ITGA4: variants seen among roughly 807,000 people sequenced by gnomAD.
ITGA4 encodes integrin alpha-4.
Under a neutral mutation model 133.6 loss-of-function variants are expected in ITGA4, and 63 were observed. The ratio of observed to expected loss-of-function variants is 0.47; its 90% CI spans 0.38 to 0.58. The LOEUF is 0.58. ITGA4 is among the 20% of genes least tolerant of loss of function. The pLI is 0.00. For missense variants in ITGA4, 1,076 were observed against 1,252.7 expected (o/e 0.86, Z 2.13); for synonymous variants, 483 against 438.0 (o/e 1.10, Z -1.28).
intron 22 of ITGA4, 113 bp from the exon 23 acceptor site, chr2:181,529,428 C>T (rs1686896564): frequency 6.2e-6 from 3 of 485,194 alleles, no homozygotes; most frequent in Non-Finnish European, 1.1e-5. Flanking sequence ...CATAAACCTC[C>T]ACCACTATAA....
At chr2:181,508,724 A>G (rs545221024) in intron 15 of ITGA4, among the ~76,000 whole-genome samples, 3 of 150,010 alleles carry the variant, frequency 2.0e-5, no homozygotes, top group Non-Finnish European at 3.0e-5. Context: ...TAAATAAATA[A>G]AAACTTTAAC....
intron 15 of ITGA4, 58 bp from the exon 16 acceptor site, chr2:181,509,600 T>C (rs1686463398): frequency 3.2e-6 from 4 of 1,246,322 alleles, no homozygotes; most frequent in African/African-American, 1.6e-5. Context: ...AGGAGTTTTA[T>C]TTTTTTTTAA....
intron 2 of ITGA4, among the ~76,000 whole-genome samples, chr2:181,463,713 GTGATCAGTTCTA>G (rs1439446977): frequency 3.2e-4 from 48 of 152,108 alleles, no homozygotes. Context: ...TAAAAATCTA[GTGATCAGTTCTA>G]TGATCAGTTC....
chr2:181,463,448 A>T (rs547296177), intron 2 of ITGA4, among the ~76,000 whole-genome samples: 2 of 152,282 alleles, frequency 1.3e-5, no homozygotes, highest in African/African-American at 4.8e-5. Context: ...TAGACTACAG[A>T]TGACAAGTGT....
intron 3 of ITGA4, 40 bp downstream of exon 3, chr2:181,475,106 A>G (rs1258446055): frequency 1.9e-6 from 3 of 1,613,194 alleles, no homozygotes; most frequent in East Asian, 4.5e-5. Context: ...TCGTGAAATC[A>G]GCTATCCTGG....
Position 181,475,254 on chromosome 2 carries a change from A to C in ITGA4, c.522A>C (p.Thr174=). The change falls in exon 4 of 28, where the codon ACA becomes ACC. Residue 174 remains threonine (T), a synonymous_variant. Transcript: ENST00000397033. ...GCYGVPPDLR[T]ELSKRIAPCY... is the part of the protein sequence containing the mutation. ...ATGGAGTGCCCCCTGATTTACGAAC[A>C]GAACTGAGTAAAAGAATAGCTCCGT... The C allele has an allele frequency of 6.2e-7, 1 of 1,613,066 alleles. No homozygotes were observed. The highest frequency in any genetic ancestry group is 8.5e-7 in the Non-Finnish European group (1 of 1,179,010).
intron 16 of ITGA4, among the ~76,000 whole-genome samples, chr2:181,510,353 C>T (rs911522497): frequency 1.1e-4 from 17 of 152,070 alleles, no homozygotes; most frequent in African/African-American, 4.1e-4. Context: ...GAGATGGATC[C>T]TACATTCTAA....
At position 181,474,915 on chromosome 2, in the gene ITGA4, G is replaced by A. The variant is rs1252651715; in HGVS notation, c.320-45G>A. ...GTGCACAGTTTTCTCTTCTTTTGTA[G>A]AATGTTTTCAATACAACTGATAAAA... On this transcript the variant is annotated intron_variant, in intron 2 of 27. Coordinates refer to ENST00000397033, the MANE Select transcript of ITGA4 (RefSeq NM_000885.6). 2.1e-6 allele frequency: 3 copies of A among 1,456,178 alleles called. No individual in the cohort carries two copies. In the African/African-American group the frequency reaches 4.2e-5, roughly 20 times the overall value. The allele number at this position is 1,456,178 out of a possible 1,614,324, so 90.2% of individuals were successfully genotyped here.
Position 181,457,818 on chromosome 2 carries a change from CG to C in ITGA4, c.166del (p.Val56SerfsTer13). ...CCCCACAACACGCTGTTCGGCTACT[CG>C]GTCGTGCTGCACAGCCACGGGGCGA... Reference protein sequence around the residue: ...QGPHNTLFGYSVVLHSHGANR... With the variant: ...QGPHNTLFGYXVVLHSHGANR... On this transcript the variant is annotated frameshift_variant, in exon 1 of 28. Coordinates refer to ENST00000397033, the MANE Select transcript of ITGA4 (RefSeq NM_000885.6). LOFTEE classifies it high-confidence loss of function. The C allele has an allele frequency of 6.2e-7, 1 of 1,613,440 alleles. No individual in the cohort carries two copies. Among genetic ancestry groups the C allele is most frequent in the Non-Finnish European group, 8.5e-7 (1 of 1,179,836 alleles).
intron 14 of ITGA4, among the ~76,000 whole-genome samples, chr2:181,497,549 C>G (rs2105746748): frequency 6.6e-6 from 1 of 152,138 alleles, no homozygotes; most frequent in East Asian, 1.9e-4. Context: ...TTGGCTTGGA[C>G]TTCATTATTT....
intron 4 of ITGA4, chr2:181,476,151 C>T (rs760980527): frequency 3.2e-5 from 7 of 220,628 alleles, no homozygotes; most frequent in Non-Finnish European, 5.3e-5. Flanking sequence ...ATTTTGCCTT[C>T]GGATACCCAA....
At chr2:181,501,300 A>G (rs767788579) in intron 15 of ITGA4, among the ~76,000 whole-genome samples, 40 of 152,288 alleles carry the variant, frequency 2.6e-4, no homozygotes, top group Non-Finnish European at 4.7e-4. Flanking sequence ...AAAAGGCCTC[A>G]AGAATGTACC....
chr2:181,463,656 C>CA (rs141692224), intron 2 of ITGA4, among the ~76,000 whole-genome samples: 5,855 of 152,054 alleles, frequency 0.039, 152 homozygotes, highest in African/African-American at 0.08. Context: ...GGTTTTCTGG[C>CA]AAAATGATGA....
chr2:181,471,243 A>G (rs747755963), intron 2 of ITGA4, among the ~76,000 whole-genome samples: 1 of 152,152 alleles, frequency 6.6e-6, no homozygotes, highest in Non-Finnish European at 1.5e-5. Flanking sequence ...CCATAATAGA[A>G]GCTTTGAATT....
chr2:181,509,869 G>A, intron 16 of ITGA4, 62 bp downstream of exon 16: 1 of 1,243,420 alleles, frequency 8.0e-7, no homozygotes, highest in Non-Finnish European at 1.1e-6. Context: ...TTAAAATATG[G>A]CATAATTCTG....
At chr2:181,509,836 T>C in intron 16 of ITGA4, 29 bp downstream of exon 16, 1 of 1,522,342 alleles carries the variant, frequency 6.6e-7, no homozygotes, top group Non-Finnish European at 9.0e-7. Flanking sequence ...ATTCAAATTA[T>C]TGTATGGCAT....
intron 2 of ITGA4, among the ~76,000 whole-genome samples, chr2:181,460,184 A>T (rs1203481144): frequency 6.6e-6 from 1 of 152,236 alleles, no homozygotes; most frequent in Non-Finnish European, 1.5e-5. Flanking sequence ...AATTTTGGCC[A>T]ATCTACAAGG....
intron 2 of ITGA4, among the ~76,000 whole-genome samples, chr2:181,469,330 G>T (rs964782352): frequency 3.9e-5 from 6 of 152,176 alleles, no homozygotes; most frequent in Non-Finnish European, 8.8e-5. Context: ...CATCAAGCTT[G>T]TCCATGTGGT....
At position 181,478,749 on chromosome 2, in the gene ITGA4, C is replaced by T. The variant is rs775922018; in HGVS notation, c.557-8C>T. The T allele has an allele frequency of 6.3e-5, 81 of 1,292,280 alleles. 1 individual carries two copies. The highest frequency in any genetic ancestry group is 8.7e-5 in the Non-Finnish European group (81 of 935,068). 80.1% of individuals were successfully genotyped at this position (1,292,280 alleles called of 1,614,324 possible). The stretch of plus-strand genomic sequence containing the variant: ...AAAATTCTGAGTTGTTTTAATATTT[C>T]ATTTTAGATTATGTGAAAAAATTTG... On this transcript the variant is annotated splice_region_variant and splice_polypyrimidine_tract_variant and intron_variant, in intron 4 of 27. Transcript: ENST00000397033.
Sources: gnomAD v4.1 joint callset for allele counts (sites outside exome capture counted in the v4.1 genomes callset) on GRCh38, gnomAD v4.1.1 for gene constraint, MANE v1.5 for transcripts, NCBI Gene and HGNC (gene_info 2026-07-23, HGNC 2026-07-21) for gene names.